PLIN3: variants seen among roughly 807,000 people sequenced by gnomAD.
PLIN3 encodes perilipin-3.
A neutral mutation model predicts 35.9 loss-of-function variants in PLIN3; 30 were observed. The ratio of observed to expected loss-of-function variants is 0.84; its 90% CI spans 0.62 to 1.13. The LOEUF (loss-of-function observed/expected upper bound fraction) is 1.13. Among genes scored for constraint, PLIN3 ranks in the 50% most tolerant of loss-of-function variants. The pLI, the probability that PLIN3 is intolerant of heterozygous loss-of-function variation, is 0.00. For missense variants in PLIN3, 603 were observed against 596.9 expected (o/e 1.01, Z -0.11); for synonymous variants, 261 against 262.5 (o/e 0.99, Z 0.06).
Position 4,852,307 on chromosome 19 carries a change from A to C in PLIN3, c.349-6T>G, listed in dbSNP as rs781222859. ...TCCTTGGTGTCCGCCAGGACCTAGG[A>C]GATGCAACAGCATCAGCATCTCTGC... On this transcript the variant is annotated splice_polypyrimidine_tract_variant and splice_region_variant and intron_variant, in intron 4 of 7. Transcript: ENST00000221957. The C allele has an allele frequency of 7.5e-6, 12 of 1,598,364 alleles. No homozygotes were observed. The highest frequency in any genetic ancestry group is 1.0e-5 in the Non-Finnish European group (12 of 1,177,904).
chr19:4,853,907 T>G (rs1304963297), intron 4 of PLIN3, among the ~76,000 whole-genome samples: 1 of 150,086 alleles, frequency 6.7e-6, no homozygotes, highest in Non-Finnish European at 1.5e-5. Context: ...CATCTGTCAA[T>G]ACCTGCTGTT....
intron 2 of PLIN3, among the ~76,000 whole-genome samples, chr19:4,860,940 C>G (rs974633914): frequency 5.3e-5 from 8 of 152,160 alleles, no homozygotes; most frequent in African/African-American, 1.9e-4. Context: ...CACTGCACTC[C>G]AGGCTGGGCG....
intron 4 of PLIN3, among the ~76,000 whole-genome samples, chr19:4,856,579 A>G (rs780966200): frequency 6.6e-6 from 1 of 151,692 alleles, no homozygotes; most frequent in Non-Finnish European, 1.5e-5. Flanking sequence ...AAAAATAAGC[A>G]TCTACCCTGT....
rs1423727340 is a variant in PLIN3 at position 4,841,913 on chromosome 19, A to C, written c.961-2377T>G. Among the ~76,000 whole-genome samples, 694 of 76,738 alleles carry C rather than the reference A, an allele frequency of 9.0e-3. 4 individuals carry two copies. Among genetic ancestry groups the C allele is most frequent in the East Asian group, 0.057 (218 of 3,810 alleles). 50.3% of individuals were successfully genotyped at this position (76,738 alleles called of 152,430 possible). The stretch of plus-strand genomic sequence containing the variant: ...GAGCGAGACTCCATCTCAAAAAAAA[A>C]AAAAAAAAAAAAAGAAAAAAAAAAG... On this transcript the variant is annotated intron_variant, in intron 7 of 7. Transcript: ENST00000221957.
intron 4 of PLIN3, among the ~76,000 whole-genome samples, chr19:4,854,759 A>T (rs2030418193): frequency 6.6e-6 from 1 of 151,962 alleles, no homozygotes; most frequent in Non-Finnish European, 1.5e-5. Context: ...ACCTCTTCAC[A>T]AAGGGGGAAA....
At position 4,866,020 on chromosome 19, in the gene PLIN3, G is replaced by A. The variant is rs564225750; in HGVS notation, c.-18+1589C>T. On this transcript the variant is annotated intron_variant, in intron 1 of 7. Coordinates refer to ENST00000221957, the MANE Select transcript of PLIN3 (RefSeq NM_005817.5). ...TTACAGGCGTGAGCCACCATGCCCG[G>A]CCTTTTTTTTTTTTTGAGACAGAGT... Among the ~76,000 whole-genome samples, 8 of 144,114 alleles carry A rather than the reference G, an allele frequency of 5.6e-5. No homozygotes were observed. The South Asian group carries it at 1.8e-3, about 32-fold the overall frequency. The allele number at this position is 144,114 out of a possible 152,430, so 94.5% of individuals were successfully genotyped here.
At chr19:4,848,986 A>G (rs953522741) in intron 5 of PLIN3, among the ~76,000 whole-genome samples, 17 of 151,974 alleles carry the variant, frequency 1.1e-4, no homozygotes, top group Non-Finnish European at 2.4e-4. Flanking sequence ...TTTTTTTTAG[A>G]CAGGGTCTCG....
chr19:4,844,197 C>G (rs2030004801), intron 7 of PLIN3, among the ~76,000 whole-genome samples: 1 of 152,090 alleles, frequency 6.6e-6, no homozygotes, highest in South Asian at 2.1e-4. Context: ...GGCTCAGTAG[C>G]TCACGCTTGT....
chr19:4,839,804 T>C (rs2029871647), intron 7 of PLIN3, among the ~76,000 whole-genome samples: 1 of 151,576 alleles, frequency 6.6e-6, no homozygotes, highest in African/African-American at 2.4e-5. Flanking sequence ...TAGCTGGGAC[T>C]ACAGGCGCCC....
chr19:4,855,362 C>A (rs886406281), intron 4 of PLIN3, among the ~76,000 whole-genome samples: 1 of 151,856 alleles, frequency 6.6e-6, no homozygotes, highest in Non-Finnish European at 1.5e-5. Flanking sequence ...TGGCCTCCTA[C>A]GCTATCAGTG....
chr19:4,847,039 G>A (rs1343425946), intron 6 of PLIN3, among the ~76,000 whole-genome samples: 5 of 151,726 alleles, frequency 3.3e-5, no homozygotes, highest in Admixed American at 6.6e-5. Context: ...ACAGGTGCCT[G>A]CCATTGTACC....
intron 7 of PLIN3, among the ~76,000 whole-genome samples, chr19:4,843,401 G>A (rs1014825585): frequency 2.0e-5 from 3 of 151,746 alleles, no homozygotes; most frequent in African/African-American, 7.3e-5. Context: ...CCAGATACTC[G>A]GGAGGCTGAG....
intron 7 of PLIN3, among the ~76,000 whole-genome samples, chr19:4,843,485 G>C (rs1054669124): frequency 3.5e-5 from 5 of 142,678 alleles, no homozygotes; most frequent in African/African-American, 1.3e-4. Context: ...TCCAGCCTGG[G>C]TGACAGAGCG....
chr19:4,862,527 T>C (rs1004322723), intron 1 of PLIN3, among the ~76,000 whole-genome samples: 6 of 151,886 alleles, frequency 4.0e-5, no homozygotes, highest in Admixed American at 1.3e-4. Context: ...ATTACAGGAG[T>C]GAGCCACCAT....
At chr19:4,839,614 G>T in intron 7 of PLIN3, 78 bp from the exon 8 acceptor site, 1 of 1,157,794 alleles carries the variant, frequency 8.6e-7, no homozygotes, top group East Asian at 2.6e-5. Context: ...AGGGAAAGAG[G>T]GGAAGAGGGG....
chr19:4,843,083 G>C (rs886465465), intron 7 of PLIN3, among the ~76,000 whole-genome samples: 1 of 151,934 alleles, frequency 6.6e-6, no homozygotes, highest in African/African-American at 2.4e-5. Context: ...TTAGCCGGGC[G>C]TGGTGACGCA....
intron 6 of PLIN3, 108 bp from the exon 7 acceptor site, chr19:4,844,901 G>A (rs1011123253): frequency 1.5e-6 from 2 of 1,307,518 alleles, no homozygotes; most frequent in Non-Finnish European, 1.0e-6. Context: ...TGACAGTCTA[G>A]AAAAGAGAAA....
At chr19:4,850,468 T>C (rs1187390964) in intron 5 of PLIN3, among the ~76,000 whole-genome samples, 1 of 151,884 alleles carries the variant, frequency 6.6e-6, no homozygotes, top group Non-Finnish European at 1.5e-5. Context: ...TTGCCCAGGC[T>C]GGAGTGGAGT....
At chr19:4,865,640 T>C (rs2030820812) in intron 1 of PLIN3, among the ~76,000 whole-genome samples, 1 of 151,944 alleles carries the variant, frequency 6.6e-6, no homozygotes, top group South Asian at 2.1e-4. Flanking sequence ...CTTGCTTCGA[T>C]GTCCCCTAAG....
Sources: gnomAD v4.1 joint callset for allele counts (sites outside exome capture counted in the v4.1 genomes callset) on GRCh38, gnomAD v4.1.1 for gene constraint, MANE v1.5 for transcripts, NCBI Gene and HGNC (gene_info 2026-07-23, HGNC 2026-07-21) for gene names.